SKI: variants seen among roughly 807,000 people sequenced by gnomAD.
SKI encodes ski oncogene.
In SKI, 23 loss-of-function variants were observed where a neutral mutation model predicts 59.3. The ratio of observed to expected loss-of-function variants is 0.39; its 90% confidence interval spans 0.28 to 0.55. The LOEUF is 0.55. Among genes scored for constraint, SKI ranks in the 20% least tolerant of loss-of-function variants. The pLI is 0.67. For synonymous variants in SKI, 673 were observed against 488.6 expected (o/e 1.38, Z -4.98); for missense variants, 1,017 against 1,038.9 (o/e 0.98, Z 0.29).
intron 1 of SKI, among the ~76,000 whole-genome samples, chr1:2,254,543 C>T (rs1343778985): frequency 6.6e-6 from 1 of 152,210 alleles, no homozygotes; most frequent in Non-Finnish European, 1.5e-5. Flanking sequence ...GTTGAAGACG[C>T]GGCCTCTGGC....
rs190293440 is a variant in SKI, at chr1:2,268,738, A to G, written c.970-34240A>G. ...TGCCCAGGGGCTGTAGGTGCAGTCC[A>G]GGGAGAGGCCATGACAGGAGTGGGT... On this transcript the variant is annotated intron_variant, in intron 1 of 6. Coordinates refer to ENST00000378536, the MANE Select transcript of SKI (RefSeq NM_003036.4). This position sits in a 1 kb window ranked among gnomAD's most constrained non-coding sequence, Gnocchi z 5.0. 4.9e-3 allele frequency among the ~76,000 whole-genome samples: 742 copies of G among 152,262 alleles called. 3 individuals are homozygous for G. Among genetic ancestry groups the G allele is most frequent in the African/African-American group, 0.017 (694 of 41,554 alleles).
chr1:2,249,205 G>T (rs1639065148), intron 1 of SKI, among the ~76,000 whole-genome samples: 2 of 152,214 alleles, frequency 1.3e-5, no homozygotes, highest in African/African-American at 4.8e-5. Flanking sequence ...TCTGACCTGG[G>T]CCTGGGCATC....
At position 2,304,581 on chromosome 1, in the gene SKI, A is replaced by G; in HGVS notation, c.1763A>G (p.His588Arg). ...GCCCTGCAGGCCAAGCGCAGCCTCC[A>G]CCAGGTGAGCGGGGCGAGTGGTGCT... ...SAALQAKRSL[H>R]QELEFLRVAK... Residue 588 changes from histidine to arginine, a missense_variant, in exon 5 of 7, where the codon CAC becomes CGC. His to Arg is a conservative substitution (Grantham distance 29). Coordinates refer to ENST00000378536, the MANE Select transcript of SKI (RefSeq NM_003036.4). 1 of 1,553,100 alleles carries G rather than the reference A, an allele frequency of 6.4e-7. No homozygotes were observed. Among genetic ancestry groups the G allele is most frequent in the African/African-American group, 1.4e-5 (1 of 73,296 alleles).
chr1:2,275,588 A>G (rs979094552), intron 1 of SKI, among the ~76,000 whole-genome samples: 1 of 151,906 alleles, frequency 6.6e-6, no homozygotes, highest in African/African-American at 2.4e-5. Context: ...ATCTCGGCTC[A>G]CTGCAAGCTC....
intron 1 of SKI, among the ~76,000 whole-genome samples, chr1:2,290,049 C>A (rs958476695): frequency 2.6e-5 from 4 of 152,202 alleles, no homozygotes; most frequent in African/African-American, 9.6e-5. Flanking sequence ...GAGACCCTTG[C>A]CCTCTTGTGT....
chr1:2,292,901 G>A (rs904940216), intron 1 of SKI, among the ~76,000 whole-genome samples: 6 of 152,224 alleles, frequency 3.9e-5, no homozygotes, highest in Admixed American at 1.3e-4. Context: ...GCCAAAGGCC[G>A]TGTCTCAGTG....
intron 1 of SKI, among the ~76,000 whole-genome samples, chr1:2,284,638 T>C (rs1294180776): frequency 6.6e-6 from 1 of 152,172 alleles, no homozygotes; most frequent in Non-Finnish European, 1.5e-5. Context: ...CGTGTGGACC[T>C]CCTGTGACTG....
At chr1:2,306,361 G>C in intron 6 of SKI, 111 bp downstream of exon 6, 1 of 1,142,638 alleles carries the variant, frequency 8.8e-7, no homozygotes, top group Non-Finnish European at 1.2e-6. Flanking sequence ...AGCCAGGCCC[G>C]GGACCACGTT....
At chr1:2,260,536 T>TTTTTTTTTTTTTTTTTTTTTTTTTTG (rs1639364320) in intron 1 of SKI, among the ~76,000 whole-genome samples, 1 of 31,392 alleles carries the variant, frequency 3.2e-5, no homozygotes, top group Non-Finnish European at 6.1e-5. Flanking sequence ...GTTCTTTTTC[T>TTTTTTTTTTTTTTTTTTTTTTTTTTG]TTTTTTTTTT....
chr1:2,257,985 G>T (rs557936000), intron 1 of SKI, among the ~76,000 whole-genome samples: 1 of 152,234 alleles, frequency 6.6e-6, no homozygotes, highest in Non-Finnish European at 1.5e-5. Flanking sequence ...TGATCTGCCC[G>T]CCTCAGCCTC....
At position 2,307,690 on chromosome 1, in the gene SKI, TTC is replaced by T. The variant is rs1640631576; in HGVS notation, c.*927_*928del. ...GAACAAAAGAGCATTATTTCAATTT[TTC>T]TTTCTTTTTTTTTGTTCGTTCATTT... On this transcript the variant is annotated 3_prime_UTR_variant, in exon 7 of 7. Coordinates refer to ENST00000378536, the MANE Select transcript of SKI (RefSeq NM_003036.4). 6.6e-6 allele frequency: 1 copy of T among 152,270 alleles called. No homozygotes were observed. The highest frequency in any genetic ancestry group is 2.4e-5 in the African/African-American group (1 of 41,326). 9.4% of individuals were successfully genotyped at this position (152,270 alleles called of 1,614,324 possible).
chr1:2,258,642 C>A (rs988160590), intron 1 of SKI, among the ~76,000 whole-genome samples: 1 of 151,866 alleles, frequency 6.6e-6, no homozygotes, highest in African/African-American at 2.4e-5. Context: ...GCAACCTCTG[C>A]CTCCCAGGTT....
chr1:2,303,602 G>A lies in SKI; in HGVS notation c.1211+202G>A, dbSNP rs1640482485. Reference sequence around the variant, plus strand: ...CCCTGTGTTCTGGGTGGAGTCGTGGGTGGAGCCCTGTCTGCTGGGCGCAGC... The same window carrying A: ...CCCTGTGTTCTGGGTGGAGTCGTGGATGGAGCCCTGTCTGCTGGGCGCAGC... On this transcript the variant is annotated intron_variant, in intron 3 of 6. Transcript: ENST00000378536. This position sits in a 1 kb window ranked among gnomAD's most constrained non-coding sequence, Gnocchi z 5.6. 2.9e-6 allele frequency: 2 copies of A among 689,480 alleles called. No homozygotes were observed. Among genetic ancestry groups the A allele is most frequent in the Non-Finnish European group, 4.9e-6 (2 of 411,168 alleles). The allele number at this position is 689,480 out of a possible 1,614,324, so 42.7% of individuals were successfully genotyped here.
intron 1 of SKI, among the ~76,000 whole-genome samples, chr1:2,301,715 G>A (rs1265475649): frequency 2.6e-5 from 4 of 152,244 alleles, no homozygotes; most frequent in Non-Finnish European, 5.9e-5. Flanking sequence ...AAGAGCCCCC[G>A]GCCCTGAGTG....
At chr1:2,272,789 C>T (rs1472854627) in intron 1 of SKI, among the ~76,000 whole-genome samples, 1 of 152,098 alleles carries the variant, frequency 6.6e-6, no homozygotes, top group Non-Finnish European at 1.5e-5. Flanking sequence ...CCTATGTGTG[C>T]TGACCCTGGG....
chr1:2,306,529 G>C, intron 6 of SKI, 48 bp from the exon 7 acceptor site: 1 of 1,519,012 alleles, frequency 6.6e-7, no homozygotes, highest in Non-Finnish European at 8.8e-7. Context: ...GCGTCGGGCC[G>C]GGGCAGGGCA....
At chr1:2,282,501 A>C (rs1477462832) in intron 1 of SKI, among the ~76,000 whole-genome samples, 6 of 131,126 alleles carry the variant, frequency 4.6e-5, no homozygotes, top group Admixed American at 4.4e-4. Flanking sequence ...CTTCAGAGAG[A>C]GGACGCCTGA....
Position 2,301,590 on chromosome 1 carries a change from C to T in SKI, c.970-1388C>T, listed in dbSNP as rs368031370. Among the ~76,000 whole-genome samples, 59 of 152,326 alleles carry T rather than the reference C, an allele frequency of 3.9e-4. No individual in the cohort carries two copies. In the East Asian group the frequency reaches 8.5e-3, roughly 22 times the overall value. On this transcript the variant is annotated intron_variant, in intron 1 of 6. Coordinates refer to ENST00000378536, the MANE Select transcript of SKI (RefSeq NM_003036.4). ...GCCCTCCATCCCCATAATTGGAGCA[C>T]CTTGATGGACAGCCTGCCCTGCGCC...
intron 1 of SKI, among the ~76,000 whole-genome samples, chr1:2,274,902 C>A (rs1457557469): frequency 6.6e-6 from 1 of 152,218 alleles, no homozygotes; most frequent in Non-Finnish European, 1.5e-5. Context: ...GGGGACAAGA[C>A]CCTTGTGAGG....
Sources: gnomAD v4.1 joint callset for allele counts (sites outside exome capture counted in the v4.1 genomes callset) on GRCh38, gnomAD v4.1.1 for gene constraint, Gnocchi (gnomAD v3.1) non-coding constraint, MANE v1.5 for transcripts, NCBI Gene and HGNC (gene_info 2026-07-23, HGNC 2026-07-21) for gene names.